SIPA1L1: variants seen among roughly 807,000 people sequenced by gnomAD.
SIPA1L1 encodes signal-induced proliferation-associated 1-like protein 1.
A neutral mutation model predicts 162.7 loss-of-function variants in SIPA1L1; 26 were observed. The observed-to-expected ratio is 0.16, with a 90% confidence interval of 0.12 to 0.22. SIPA1L1 has a LOEUF of 0.22. Ranked by LOEUF, SIPA1L1 falls within the 10% of genes least tolerant of loss-of-function variation. SIPA1L1 has a pLI of 1.00. For missense variants in SIPA1L1, 1,874 were observed against 2,241.0 expected (o/e 0.84, Z 3.31); for synonymous variants, 829 against 837.4 (o/e 0.99, Z 0.17).
chr14:71,456,942 CTTAT>C (rs774901907), intron 2 of SIPA1L1, among the ~76,000 whole-genome samples: 31 of 152,230 alleles, frequency 2.0e-4, no homozygotes, highest in Non-Finnish European at 4.3e-4. Context: ...CCAAATTTCT[CTTAT>C]TTATTTATTT....
intron 5 of SIPA1L1, among the ~76,000 whole-genome samples, chr14:71,607,063 T>C (rs1351832172): frequency 3.3e-5 from 5 of 151,610 alleles, no homozygotes; most frequent in Non-Finnish European, 5.9e-5. Flanking sequence ...GTAGAGGGAA[T>C]TGGGGGATGT....
chr14:71,323,940 AT>A (rs2033474167), intron 2 of SIPA1L1, among the ~76,000 whole-genome samples: 1 of 152,176 alleles, frequency 6.6e-6, no homozygotes, highest in East Asian at 1.9e-4. Flanking sequence ...TTATTTTTGA[AT>A]TTTAATATAT....
chr14:71,387,704 G>C lies in SIPA1L1; in HGVS notation c.-465+66523G>C, dbSNP rs530269716. Among the ~76,000 whole-genome samples, 102 of 152,282 alleles carry C rather than the reference G, an allele frequency of 6.7e-4. 1 individual carries two copies. Among genetic ancestry groups the C allele is most frequent in the African/African-American group, 2.4e-3 (99 of 41,550 alleles). On this transcript the variant is annotated intron_variant, in intron 2 of 23. Transcript: ENST00000381232. The stretch of plus-strand genomic sequence containing the variant: ...CCTCTGCAGAAGTTGTTTTCTAGCA[G>C]GAATGTGTTACGATTTCTGTTCTAC...
intron 4 of SIPA1L1, among the ~76,000 whole-genome samples, chr14:71,546,360 T>C (rs1195802275): frequency 1.4e-5 from 2 of 140,872 alleles, no homozygotes; most frequent in Non-Finnish European, 3.0e-5. Context: ...CTCTGTATTG[T>C]TTTTTCTTTT....
chr14:71,440,129 A>AGGC (rs2044719110), intron 2 of SIPA1L1, among the ~76,000 whole-genome samples: 1 of 152,096 alleles, frequency 6.6e-6, no homozygotes, highest in Admixed American at 6.6e-5. Flanking sequence ...AGGTTGAAGC[A>AGGC]ATTTTCATGC....
chr14:71,373,398 G>A (rs1246464884), intron 2 of SIPA1L1, among the ~76,000 whole-genome samples: 3 of 151,890 alleles, frequency 2.0e-5, no homozygotes, highest in African/African-American at 4.8e-5. Context: ...CGAGGTGGGC[G>A]GATCACTTGA....
At chr14:71,475,694 G>A (rs2142374300) in intron 2 of SIPA1L1, among the ~76,000 whole-genome samples, 1 of 152,320 alleles carries the variant, frequency 6.6e-6, no homozygotes, top group African/African-American at 2.4e-5. Flanking sequence ...TAACACATTT[G>A]TGGTTATTTT....
At chr14:71,556,760 T>TA (rs2056389670) in intron 4 of SIPA1L1, among the ~76,000 whole-genome samples, 1 of 152,256 alleles carries the variant, frequency 6.6e-6, no homozygotes, top group Non-Finnish European at 1.5e-5. Flanking sequence ...TTTGGGTTTT[T>TA]ATACAAGGAG....
chr14:71,658,604 A>G (rs1367170358), intron 9 of SIPA1L1, among the ~76,000 whole-genome samples, 168 bp downstream of exon 9: 1 of 152,242 alleles, frequency 6.6e-6, no homozygotes, highest in African/African-American at 2.4e-5. Context: ...ACTGAAAACA[A>G]ATGAAGAGAC....
chr14:71,422,463 A>G (rs960360886), intron 2 of SIPA1L1, among the ~76,000 whole-genome samples: 5 of 152,164 alleles, frequency 3.3e-5, no homozygotes, highest in African/African-American at 1.2e-4. Flanking sequence ...TGTACTCATT[A>G]AACAGTAACT....
intron 2 of SIPA1L1, among the ~76,000 whole-genome samples, chr14:71,450,568 C>T (rs529349613): frequency 6.6e-6 from 1 of 152,178 alleles, no homozygotes; most frequent in Non-Finnish European, 1.5e-5. Context: ...CTGCATTCAA[C>T]TTCGGAGCCA....
intron 2 of SIPA1L1, among the ~76,000 whole-genome samples, chr14:71,448,442 A>T (rs535753785): frequency 1.1e-4 from 16 of 152,296 alleles, no homozygotes; most frequent in Admixed American, 7.2e-4. Flanking sequence ...CCCAAGGTTT[A>T]TGGGGCTAGT....
intron 19 of SIPA1L1, among the ~76,000 whole-genome samples, chr14:71,729,526 G>A (rs1229689528): frequency 2.0e-5 from 3 of 152,112 alleles, no homozygotes; most frequent in Admixed American, 1.3e-4. Flanking sequence ...GTTATCATCC[G>A]ACAAGCTTGT....
chr14:71,490,430 A>C (rs1212839203), intron 2 of SIPA1L1, among the ~76,000 whole-genome samples: 1 of 152,180 alleles, frequency 6.6e-6, no homozygotes, highest in Admixed American at 6.6e-5. Context: ...CTTTTCAGCA[A>C]CACAAAATTA....
At chr14:71,693,781 C>G (rs2081421202) in intron 13 of SIPA1L1, among the ~76,000 whole-genome samples, 1 of 149,982 alleles carries the variant, frequency 6.7e-6, no homozygotes. Flanking sequence ...TGGCTGAAGA[C>G]AGAAGACTTT....
At chr14:71,420,486 T>A (rs2043106343) in intron 2 of SIPA1L1, among the ~76,000 whole-genome samples, 1 of 152,240 alleles carries the variant, frequency 6.6e-6, no homozygotes, top group Non-Finnish European at 1.5e-5. Flanking sequence ...TTGTGTAAAA[T>A]CTTGGATGTT....
chr14:71,608,914 C>G (rs2037854119), intron 5 of SIPA1L1, among the ~76,000 whole-genome samples: 1 of 151,790 alleles, frequency 6.6e-6, no homozygotes, highest in African/African-American at 2.4e-5. Flanking sequence ...AAAACAAAAA[C>G]AAACAAAAAA....
At chr14:71,645,137 C>G (rs1250084089) in intron 7 of SIPA1L1, among the ~76,000 whole-genome samples, 1 of 152,234 alleles carries the variant, frequency 6.6e-6, no homozygotes, top group Non-Finnish European at 1.5e-5. Flanking sequence ...TCTCCAAAGC[C>G]AGCAGTGTTG....
At chr14:71,368,224 T>C (rs1229896338) in intron 2 of SIPA1L1, among the ~76,000 whole-genome samples, 2 of 144,532 alleles carry the variant, frequency 1.4e-5, no homozygotes, top group Admixed American at 1.4e-4. Context: ...GTTAGTTACA[T>C]ATGTATACAT....
Sources: allele counts gnomAD v4.1 joint callset (sites outside exome capture counted in the v4.1 genomes callset), GRCh38; gene constraint gnomAD v4.1.1; transcripts MANE v1.5; gene names NCBI Gene and HGNC (gene_info 2026-07-23, HGNC 2026-07-21).